PRKN: variants seen among roughly 807,000 people sequenced by gnomAD.
The protein encoded by PRKN is E3 ubiquitin-protein ligase parkin.
A neutral mutation model predicts 59.5 loss-of-function variants in PRKN; 56 were observed. The ratio of observed to expected loss-of-function variants is 0.94; its 90% CI spans 0.76 to 1.18. The LOEUF (loss-of-function observed/expected upper bound fraction) is 1.18. Ranked by LOEUF, PRKN falls within the 50% of genes most tolerant of loss-of-function variation. The pLI is 0.00. For synonymous variants in PRKN, 250 were observed against 222.1 expected (o/e 1.13, Z -1.12); for missense variants, 657 against 596.4 (o/e 1.10, Z -1.06).
rs1785017670 is a variant in PRKN, at chr6:161,362,564, G to A, written c.1168-2359C>T. 6.6e-6 allele frequency among the ~76,000 whole-genome samples: 1 copy of A among 152,194 alleles called. No homozygotes were observed. The highest frequency in any genetic ancestry group is 6.5e-5 in the Admixed American group (1 of 15,282). On this transcript the variant is annotated intron_variant, in intron 10 of 11. Transcript: ENST00000366898. This position sits in a 1 kb window ranked among gnomAD's most constrained non-coding sequence, Gnocchi z 5.2. ...ACAGATATGTGCTGGTCTCAGGCTG[G>A]GTTCTGTGAGGCAGCAGGTTTGGAA... is the stretch of plus-strand genomic sequence containing the variant.
At chr6:162,724,833 T>C (rs1361791258) in intron 1 of PRKN, among the ~76,000 whole-genome samples, 2 of 152,192 alleles carry the variant, frequency 1.3e-5, no homozygotes, top group South Asian at 2.1e-4. Context: ...TTTATCTAAG[T>C]AGTACAACGA....
chr6:162,047,248 T>A (rs143661181), intron 5 of PRKN, among the ~76,000 whole-genome samples: 1 of 152,330 alleles, frequency 6.6e-6, no homozygotes, highest in Non-Finnish European at 1.5e-5. Context: ...ATTTGTCCTT[T>A]ACCTCTGTTT....
At position 162,617,062 on chromosome 6, in the gene PRKN, T is replaced by A. The variant is rs373019043; in HGVS notation, c.7+110600A>T. 6.7e-4 allele frequency among the ~76,000 whole-genome samples: 102 copies of A among 152,306 alleles called. No individual in the cohort carries two copies. The East Asian group carries it at 9.8e-3, about 15-fold the overall frequency. ...AGATCTTAAAATTTTTAATTGATAA[T>A]AATTGTACATAATTATGGGTACAAT... On this transcript the variant is annotated intron_variant, in intron 1 of 11. Transcript: ENST00000366898.
intron 1 of PRKN, among the ~76,000 whole-genome samples, chr6:162,579,524 C>T (rs955595854): frequency 4.1e-5 from 5 of 122,496 alleles, no homozygotes; most frequent in Non-Finnish European, 9.7e-5. Flanking sequence ...CAGATTCACA[C>T]AGATTCTCAT....
chr6:162,008,345 C>T (rs938259094), intron 5 of PRKN, among the ~76,000 whole-genome samples: 2 of 152,152 alleles, frequency 1.3e-5, no homozygotes, highest in Non-Finnish European at 2.9e-5. Context: ...GGCCCCAGGA[C>T]GCTACCCTAC....
intron 2 of PRKN, among the ~76,000 whole-genome samples, chr6:162,283,254 C>A (rs116065223): frequency 0.013 from 1,933 of 152,222 alleles, 43 homozygotes; most frequent in African/African-American, 0.041. Flanking sequence ...TTTGTGCTTT[C>A]TAACTTTTAT....
intron 7 of PRKN, among the ~76,000 whole-genome samples, chr6:161,753,608 G>A (rs976414640): frequency 2.0e-5 from 3 of 152,174 alleles, no homozygotes; most frequent in Non-Finnish European, 4.4e-5. Flanking sequence ...ATGTTTGTAG[G>A]ATGTAGGAGA....
At position 161,487,364 on chromosome 6, in the gene PRKN, T is replaced by C. The variant is rs906418212; in HGVS notation, c.1083+61490A>G. On this transcript the variant is annotated intron_variant, in intron 9 of 11. Transcript: ENST00000366898. The surrounding 1 kb of genome is among the most constrained non-coding windows in gnomAD (Gnocchi z 5.3). ...TTCCTATACTGCCCCTTCGCCCATC[T>C]GTGTGAGCCAAGGCAAGGAAGACAG... is the stretch of plus-strand genomic sequence containing the variant. 1.3e-5 allele frequency among the ~76,000 whole-genome samples: 2 copies of C among 152,152 alleles called. No individual in the cohort carries two copies. Among genetic ancestry groups the C allele is most frequent in the Non-Finnish European group, 2.9e-5 (2 of 68,018 alleles).
At chr6:161,685,218 C>T (rs1368503050) in intron 7 of PRKN, among the ~76,000 whole-genome samples, 2 of 152,152 alleles carry the variant, frequency 1.3e-5, no homozygotes, top group African/African-American at 2.4e-5. Context: ...CTGCCCTCCT[C>T]CCTGTCTGGA....
chr6:161,676,194 G>A (rs969816697), intron 7 of PRKN, among the ~76,000 whole-genome samples: 2 of 152,226 alleles, frequency 1.3e-5, no homozygotes, highest in Non-Finnish European at 2.9e-5. Context: ...GCCTGGGTTC[G>A]TACTTGGCCA....
intron 4 of PRKN, among the ~76,000 whole-genome samples, chr6:162,165,318 A>C (rs1782928797): frequency 6.7e-6 from 1 of 149,324 alleles, no homozygotes; most frequent in South Asian, 2.1e-4. Flanking sequence ...AAAAGTAATA[A>C]ACTTAGAAAT....
chr6:162,019,985 C>T (rs1246764699), intron 5 of PRKN, among the ~76,000 whole-genome samples: 1 of 151,738 alleles, frequency 6.6e-6, no homozygotes, highest in Non-Finnish European at 1.5e-5. Context: ...TGACATTGCA[C>T]TCCAGCCTGG....
chr6:162,387,234 C>CAAAA (rs34452454), intron 2 of PRKN, among the ~76,000 whole-genome samples: 1 of 101,214 alleles, frequency 9.9e-6, no homozygotes, highest in Non-Finnish European at 2.1e-5. Context: ...AAAAAATAAG[C>CAAAA]AAAAAAAAAA....
rs1003384760 is a variant in PRKN at position 161,550,267 on chromosome 6, A to G, written c.934-1264T>C. The stretch of plus-strand genomic sequence containing the variant: ...GTTGGAGAGTTTGTGAGGATCTAGA[A>G]TATGTAGTTCCCTGACAGCTGCTTT... On this transcript the variant is annotated intron_variant, in intron 8 of 11. Transcript: ENST00000366898. This position sits in a 1 kb window ranked among gnomAD's most constrained non-coding sequence, Gnocchi z 4.0. Among the ~76,000 whole-genome samples the G allele has an allele frequency of 1.2e-4, 18 of 152,216 alleles. No individual in the cohort carries two copies. The highest frequency in any genetic ancestry group is 4.3e-4 in the African/African-American group (18 of 41,450).
chr6:161,604,016 C>T lies in PRKN; in HGVS notation c.872-34600G>A, dbSNP rs9365304. Among the ~76,000 whole-genome samples, 979 of 152,294 alleles carry T rather than the reference C, an allele frequency of 6.4e-3. 26 individuals are homozygous for T. The East Asian group carries it at 0.078, about 12-fold the overall frequency. ...TGAGGAAGTGGGCCCTCGCCAGACA[C>T]CAAATCTGCCAGAGACTTTGTCTTG... is the stretch of plus-strand genomic sequence containing the variant. On this transcript the variant is annotated intron_variant, in intron 7 of 11. Coordinates refer to ENST00000366898, the MANE Select transcript of PRKN (RefSeq NM_004562.3).
At position 161,741,618 on chromosome 6, in the gene PRKN, A is replaced by G. The variant is rs370858681; in HGVS notation, c.871+44154T>C. Among the ~76,000 whole-genome samples the G allele has an allele frequency of 9.2e-5, 14 of 152,154 alleles. 1 individual carries two copies. Among genetic ancestry groups the G allele is most frequent in the African/African-American group, 3.4e-4 (14 of 41,520 alleles). On this transcript the variant is annotated intron_variant, in intron 7 of 11. Transcript: ENST00000366898. ...AAATGCTTGTCCCAGTATCAGCCCC[A>G]TGGATGAGGCCTGGGCAGTAAACAC...
intron 7 of PRKN, among the ~76,000 whole-genome samples, chr6:161,660,751 T>C (rs1174227128): frequency 1.3e-5 from 2 of 152,198 alleles, no homozygotes; most frequent in African/African-American, 4.8e-5. Flanking sequence ...TCTGCGCACA[T>C]GTCCTTCCCG....
intron 7 of PRKN, among the ~76,000 whole-genome samples, chr6:161,648,017 G>A (rs1183470550): frequency 2.6e-5 from 4 of 152,074 alleles, no homozygotes; most frequent in Non-Finnish European, 5.9e-5. Flanking sequence ...GTTTACTTGG[G>A]CATTTATTAC....
intron 4 of PRKN, among the ~76,000 whole-genome samples, chr6:162,153,262 C>A (rs1782352013): frequency 6.6e-6 from 1 of 152,222 alleles, no homozygotes; most frequent in Admixed American, 6.5e-5. Context: ...TCCAATTACT[C>A]ACTTGGGCCT....
Sources: allele counts gnomAD v4.1 joint callset (sites outside exome capture counted in the v4.1 genomes callset), GRCh38; gene constraint gnomAD v4.1.1; non-coding constraint Gnocchi (gnomAD v3.1); transcripts MANE v1.5; gene names NCBI Gene and HGNC (gene_info 2026-07-23, HGNC 2026-07-21).